UBE2D3: variants seen among roughly 807,000 people sequenced by gnomAD.
UBE2D3 encodes ubiquitin conjugating enzyme E2 D3.
A neutral mutation model predicts 22.8 loss-of-function variants in UBE2D3; 2 were observed. The ratio of observed to expected loss-of-function variants is 0.09; its 90% CI spans 0.04 to 0.28. UBE2D3 has a LOEUF of 0.28. Ranked by LOEUF, UBE2D3 falls within the 10% of genes least tolerant of loss-of-function variation. The pLI is 1.00. For synonymous variants in UBE2D3, 56 were observed against 60.4 expected, an observed-to-expected ratio of 0.93 and a Z score of 0.34; for missense variants, 27 against 182.5, an observed-to-expected ratio of 0.15 and a Z score of 4.91.
At chr4:102,819,448 G>T in intron 2 of UBE2D3, 1 of 381,970 alleles carries the variant, frequency 2.6e-6, no homozygotes, top group Non-Finnish European at 3.6e-6. Context: ...GAGCAGCCAT[G>T]TTCCAGGAGC....
intron 2 of UBE2D3, chr4:102,811,937 A>G (rs1473555876): frequency 4.7e-6 from 1 of 214,812 alleles, no homozygotes; most frequent in African/African-American, 2.4e-5. Context: ...AAAAACATTA[A>G]TCTTCTTTTG....
chr4:102,819,391 T>C (rs1729233845), intron 2 of UBE2D3, among the ~76,000 whole-genome samples: 1 of 152,120 alleles, frequency 6.6e-6, no homozygotes, highest in East Asian at 1.9e-4. Context: ...ACTAAAAATA[T>C]TTATTCACAA....
intron 1 of UBE2D3, among the ~76,000 whole-genome samples, chr4:102,857,971 C>T (rs556542890): frequency 6.6e-6 from 1 of 151,980 alleles, no homozygotes. Context: ...GGGTTACAGG[C>T]ATGAGCCACC....
chr4:102,798,015 G>T (rs1479241273), intron 7 of UBE2D3, among the ~76,000 whole-genome samples: 3 of 151,504 alleles, frequency 2.0e-5, no homozygotes, highest in African/African-American at 7.3e-5. Flanking sequence ...TTCAAAAGGG[G>T]TGTGTGTGTG....
chr4:102,815,106 C>T (rs1728610144), intron 2 of UBE2D3, among the ~76,000 whole-genome samples: 1 of 151,932 alleles, frequency 6.6e-6, no homozygotes, highest in Non-Finnish European at 1.5e-5. Context: ...TACAATGGCA[C>T]AATCTTGGCT....
At chr4:102,850,597 A>G (rs1473899872) in intron 1 of UBE2D3, among the ~76,000 whole-genome samples, 1 of 152,220 alleles carries the variant, frequency 6.6e-6, no homozygotes, top group Non-Finnish European at 1.5e-5. Flanking sequence ...CTGTGTGGCA[A>G]TAAAGAGCAG....
chr4:102,841,407 G>T (rs967459519), intron 1 of UBE2D3, among the ~76,000 whole-genome samples: 1 of 151,928 alleles, frequency 6.6e-6, no homozygotes, highest in African/African-American at 2.4e-5. Context: ...ACCTTGTCCA[G>T]ATTTCTAAAA....
chr4:102,822,155 A>G (rs1729721924), intron 2 of UBE2D3, among the ~76,000 whole-genome samples: 1 of 152,232 alleles, frequency 6.6e-6, no homozygotes, highest in Non-Finnish European at 1.5e-5. Flanking sequence ...TTTTATTTGT[A>G]TAAATAACAA....
At chr4:102,842,776 T>C (rs375670562) in intron 1 of UBE2D3, among the ~76,000 whole-genome samples, 1 of 152,078 alleles carries the variant, frequency 6.6e-6, no homozygotes, top group Non-Finnish European at 1.5e-5. Flanking sequence ...CATAGTACAA[T>C]TGGGTAAGCT....
At chr4:102,840,223 A>T (rs1212576582) in intron 1 of UBE2D3, among the ~76,000 whole-genome samples, 1 of 152,244 alleles carries the variant, frequency 6.6e-6, no homozygotes, top group Non-Finnish European at 1.5e-5. Flanking sequence ...GAACTGCCAT[A>T]TGATCTGTCA....
intron 5 of UBE2D3, 97 bp downstream of exon 5, chr4:102,802,464 T>G: frequency 1.0e-6 from 1 of 978,188 alleles, no homozygotes. Flanking sequence ...TCAACATATA[T>G]ATACAGCCTA....
In UBE2D3 at chr4:102,797,014, T is replaced by A. The variant is rs1725336101; in HGVS notation, c.*401A>T. 6.1e-6 allele frequency: 1 copy of A among 163,230 alleles called. No homozygotes were observed. The highest frequency in any genetic ancestry group is 1.3e-5 in the Non-Finnish European group (1 of 74,510). 10.1% of individuals were successfully genotyped at this position (163,230 alleles called of 1,614,324 possible). The stretch of plus-strand genomic sequence containing the variant: ...TGGATGCTGCTAGAATAATGCTGTA[T>A]CCTTTGATGTGACAACTGAGCATCC... On this transcript the variant is annotated 3_prime_UTR_variant, in exon 8 of 8. Coordinates refer to ENST00000453744, the MANE Select transcript of UBE2D3 (RefSeq NM_181891.3).
intron 2 of UBE2D3, among the ~76,000 whole-genome samples, chr4:102,820,340 G>C (rs543306921): frequency 6.6e-6 from 1 of 152,106 alleles, no homozygotes; most frequent in Non-Finnish European, 1.5e-5. Flanking sequence ...AAGGATGCTT[G>C]GCAAAAAGAT....
At chr4:102,806,737 T>A (rs1319987106) in intron 4 of UBE2D3, among the ~76,000 whole-genome samples, 2 of 152,084 alleles carry the variant, frequency 1.3e-5, no homozygotes, top group Non-Finnish European at 2.9e-5. Flanking sequence ...TAAAAAAAAA[T>A]TTAAGCAAGT....
chr4:102,810,695 A>G (rs1727826958), intron 2 of UBE2D3: 1 of 152,180 alleles, frequency 6.6e-6, no homozygotes, highest in Admixed American at 6.5e-5. Context: ...GCACAATTCA[A>G]TATGAACGTT....
chr4:102,794,812 A>G lies in UBE2D3; in HGVS notation c.*2603T>C, dbSNP rs949144236. On this transcript the variant is annotated 3_prime_UTR_variant, in exon 8 of 8. Transcript: ENST00000453744. ...TGATTATCACATTGCAAACTCGCCC[A>G]GGAAAAACAAACTGAGTCATTTAAA... The G allele has an allele frequency of 1.3e-5, 2 of 152,114 alleles. No individual in the cohort carries two copies. Among genetic ancestry groups the G allele is most frequent in the Non-Finnish European group, 2.9e-5 (2 of 67,958 alleles). The allele number at this position is 152,114 out of a possible 1,614,324, so 9.4% of individuals were successfully genotyped here.
chr4:102,826,415 C>T, intron 2 of UBE2D3, 70 bp downstream of exon 2: 2 of 1,590,638 alleles, frequency 1.3e-6, no homozygotes, highest in Non-Finnish European at 1.7e-6. Flanking sequence ...CCTTCCCACC[C>T]CCACGCTTTC....
intron 7 of UBE2D3, 91 bp downstream of exon 7, chr4:102,799,316 A>G: frequency 2.1e-6 from 2 of 970,236 alleles, no homozygotes; most frequent in Non-Finnish European, 3.1e-6. Flanking sequence ...ATCTTACTAA[A>G]TATCAAGTCT....
upstream of UBE2D3, among the ~76,000 whole-genome samples, chr4:102,828,566 C>G (rs1730918207): frequency 6.6e-6 from 1 of 152,152 alleles, no homozygotes; most frequent in African/African-American, 2.4e-5. Flanking sequence ...TTTCACTGGT[C>G]TCCGTAATCA....
Sources: allele counts gnomAD v4.1 joint callset (sites outside exome capture counted in the v4.1 genomes callset), GRCh38; gene constraint gnomAD v4.1.1; transcripts MANE v1.5; gene names NCBI Gene and HGNC (gene_info 2026-07-23, HGNC 2026-07-21).